The following NEK10 variants were observed in gnomAD, a reference collection of about 807,000 sequenced individuals.
The protein encoded by NEK10 is NIMA related kinase 10, also known as serine/threonine-protein kinase Nek10.
NEK10 carries 122 observed loss-of-function variants against 159.8 expected under a neutral mutation model. The ratio of observed to expected loss-of-function variants is 0.76; its 90% CI spans 0.66 to 0.89. The LOEUF is 0.89. Ranked by LOEUF, NEK10 falls within the 40% of genes least tolerant of loss-of-function variation. NEK10 has a pLI of 0.00. For synonymous variants in NEK10, 466 were observed against 457.1 expected (o/e 1.02, Z -0.25); for missense variants, 1,342 against 1,323.1 (o/e 1.01, Z -0.22).
intron 1 of NEK10, among the ~76,000 whole-genome samples, chr3:27,363,081 C>T (rs542580839): frequency 2.0e-5 from 3 of 152,266 alleles, no homozygotes; most frequent in East Asian, 3.9e-4. Context: ...CCAGCTGTTA[C>T]TCACACTTGG....
chr3:27,254,403 A>T (rs1955966712), intron 23 of NEK10, among the ~76,000 whole-genome samples: 1 of 152,140 alleles, frequency 6.6e-6, no homozygotes, highest in Non-Finnish European at 1.5e-5. Flanking sequence ...CACTCTCCTA[A>T]TAGTGTTTCC....
intron 6 of NEK10, among the ~76,000 whole-genome samples, chr3:27,314,900 C>A (rs1046291409): frequency 6.6e-6 from 1 of 152,162 alleles, no homozygotes; most frequent in Non-Finnish European, 1.5e-5. Context: ...GTCATACGTA[C>A]GTACAGTACA....
chr3:27,115,224 G>A (rs1940222271), intron 35 of NEK10, among the ~76,000 whole-genome samples: 1 of 152,162 alleles, frequency 6.6e-6, no homozygotes, highest in Admixed American at 6.5e-5. Context: ...TCCCCAGTGG[G>A]ATCAGGCTTC....
At chr3:27,139,720 G>T (rs1219009042) in intron 31 of NEK10, among the ~76,000 whole-genome samples, 1 of 152,154 alleles carries the variant, frequency 6.6e-6, no homozygotes, top group Non-Finnish European at 1.5e-5. Context: ...TGTTTGATGA[G>T]GGTAAAATGC....
chr3:27,348,767 C>A (rs529120698), intron 3 of NEK10, among the ~76,000 whole-genome samples: 1 of 152,244 alleles, frequency 6.6e-6, no homozygotes, highest in East Asian at 1.9e-4. Context: ...ACATCCTTTC[C>A]CCTTGAATTT....
At chr3:27,242,190 G>A (rs1428403253) in intron 23 of NEK10, among the ~76,000 whole-genome samples, 1 of 152,110 alleles carries the variant, frequency 6.6e-6, no homozygotes, top group Non-Finnish European at 1.5e-5. Context: ...CAATGTATAA[G>A]CCATTTAAAC....
chr3:27,223,933 T>C (rs1052892309), intron 23 of NEK10, among the ~76,000 whole-genome samples: 2 of 152,166 alleles, frequency 1.3e-5, no homozygotes, highest in Non-Finnish European at 2.9e-5. Context: ...CATCAGGAAG[T>C]TTTGTGGGTT....
chr3:27,166,559 C>A (rs1946497911), intron 29 of NEK10, among the ~76,000 whole-genome samples: 1 of 152,150 alleles, frequency 6.6e-6, no homozygotes, highest in Non-Finnish European at 1.5e-5. Flanking sequence ...AGCAAGACTT[C>A]CGCTTTTAAG....
intron 26 of NEK10, among the ~76,000 whole-genome samples, chr3:27,183,802 C>T (rs565712478): frequency 6.6e-6 from 1 of 152,192 alleles, no homozygotes; most frequent in South Asian, 2.1e-4. Flanking sequence ...CATACACATA[C>T]ACAAAGATAT....
intron 5 of NEK10, among the ~76,000 whole-genome samples, chr3:27,337,477 A>AAAAAG (rs59030951): frequency 0.87 from 131,745 of 151,542 alleles, 58,642 homozygotes; most frequent in East Asian, 1. Context: ...TATGAAACAA[A>AAAAAG]AACCAGAAGA....
chr3:27,328,709 G>C (rs2046190763), intron 5 of NEK10, among the ~76,000 whole-genome samples: 1 of 152,064 alleles, frequency 6.6e-6, no homozygotes, highest in Non-Finnish European at 1.5e-5. Flanking sequence ...ATCTGAAGGA[G>C]ATCTTGAAAA....
chr3:27,167,527 A>G (rs1322975294), intron 29 of NEK10, among the ~76,000 whole-genome samples: 3 of 152,216 alleles, frequency 2.0e-5, no homozygotes, highest in African/African-American at 7.2e-5. Context: ...GTTCCACTAT[A>G]CAGAGTATTT....
At chr3:27,266,433 T>C (rs1329810125) in intron 22 of NEK10, among the ~76,000 whole-genome samples, 1 of 152,186 alleles carries the variant, frequency 6.6e-6, no homozygotes, top group Non-Finnish European at 1.5e-5. Context: ...TTGTTGGAAA[T>C]AGTCCCTTCC....
chr3:27,307,738 T>G, intron 11 of NEK10, 121 bp downstream of exon 11: 1 of 652,062 alleles, frequency 1.5e-6, no homozygotes, highest in South Asian at 1.8e-5. Flanking sequence ...AGAAAATAAA[T>G]GCCAAGCTGA....
rs143273218 is a variant in NEK10, at chr3:27,130,173, T to C, written c.3081+1707A>G. On this transcript the variant is annotated intron_variant, in intron 32 of 35. Coordinates refer to ENST00000691995, the MANE Select transcript of NEK10 (RefSeq NM_001394966.1). ...ATACAAGATGTCCCAAAGACCACCA[T>C]GGGCTTGTAGTATCAGACAAGAGAA... Among the ~76,000 whole-genome samples, 1,014 of 152,316 alleles carry C rather than the reference T, an allele frequency of 6.7e-3. 10 individuals carry two copies. The highest frequency in any genetic ancestry group is 0.023 in the African/African-American group (963 of 41,564).
chr3:27,118,906 C>T (rs905876230), intron 33 of NEK10, among the ~76,000 whole-genome samples: 1 of 152,126 alleles, frequency 6.6e-6, no homozygotes, highest in African/African-American at 2.4e-5. Context: ...AAAAGCACAA[C>T]AAAAGTGAGC....
intron 23 of NEK10, among the ~76,000 whole-genome samples, chr3:27,220,604 A>C (rs1294194992): frequency 6.6e-6 from 1 of 151,854 alleles, no homozygotes; most frequent in Non-Finnish European, 1.5e-5. Context: ...TCTGCCTATC[A>C]CAATTGGCAA....
intron 30 of NEK10, among the ~76,000 whole-genome samples, chr3:27,155,219 A>G (rs901892870): frequency 2.0e-5 from 3 of 152,128 alleles, no homozygotes; most frequent in Admixed American, 6.6e-5. Flanking sequence ...AAGTACAAAT[A>G]CTGGCTGGGC....
chr3:27,113,353 C>A (rs1451688038), intron 35 of NEK10, among the ~76,000 whole-genome samples: 1 of 147,686 alleles, frequency 6.8e-6, no homozygotes, highest in Non-Finnish European at 1.5e-5. Context: ...ATCGCTTGAA[C>A]CCAGGAGGTG....
Sources: allele counts gnomAD v4.1 joint callset (sites outside exome capture counted in the v4.1 genomes callset), GRCh38; gene constraint gnomAD v4.1.1; transcripts MANE v1.5; gene names NCBI Gene and HGNC (gene_info 2026-07-23, HGNC 2026-07-21).